Variants in UGT1A9 observed in about 807,000 individuals in gnomAD.
UGT1A9 encodes the protein UDP-glucuronosyltransferase 1A9.
Under a neutral mutation model 45.0 loss-of-function variants are expected in UGT1A9, and 35 were observed. The ratio of observed to expected loss-of-function variants is 0.78; its 90% CI spans 0.59 to 1.03. The LOEUF (loss-of-function observed/expected upper bound fraction) is 1.03. UGT1A9 is among the 50% of genes least tolerant of loss of function. The pLI is 0.00. For synonymous variants in UGT1A9, 278 were observed against 250.6 expected, an observed-to-expected ratio of 1.11 and a Z score of -1.03; for missense variants, 687 against 666.6, an observed-to-expected ratio of 1.03 and a Z score of -0.34.
rs185333824 is a variant in UGT1A9, at chr2:233,753,128, G to A, written c.856-13906G>A. 3.3e-4 allele frequency: 50 copies of A among 152,262 alleles called. No individual in the cohort carries two copies. The East Asian group carries it at 8.9e-3, about 27-fold the overall frequency. 9.4% of individuals were successfully genotyped at this position (152,262 alleles called of 1,614,324 possible). A position where few individuals can be genotyped will look rare whatever the true frequency, so the allele number is the denominator to read the frequency against. On this transcript the variant is annotated intron_variant, in intron 1 of 4. Transcript: ENST00000354728. ...AAACCCATCCCCAGCAAACTACTCA[G>A]TGAGTATCTTCACACATGTAAGTTC...
At chr2:233,767,966 A>G in intron 3 of UGT1A9, 30 bp downstream of exon 3, 1 of 1,614,232 alleles carries the variant, frequency 6.2e-7, no homozygotes, top group South Asian at 1.1e-5. Flanking sequence ...TGTATAGGTC[A>G]AACCAGGGTC....
At chr2:233,734,546 C>A (rs975748353) in intron 1 of UGT1A9, among the ~76,000 whole-genome samples, 4 of 151,914 alleles carry the variant, frequency 2.6e-5, no homozygotes, top group Non-Finnish European at 5.9e-5. Context: ...TATTTCTTCC[C>A]TTCTGCTAGC....
At chr2:233,754,325 C>T (rs537557157) in intron 1 of UGT1A9, 54 of 246,030 alleles carry the variant, frequency 2.2e-4, no homozygotes, top group African/African-American at 1.1e-3. Flanking sequence ...CTGCCTCAGG[C>T]TTAAGTTTAA....
Position 233,713,325 on chromosome 2 carries a change from A to G in UGT1A9, c.855+40536A>G, listed in dbSNP as rs1186303937. The G allele has an allele frequency of 4.3e-6, 7 of 1,614,262 alleles. No individual in the cohort carries two copies. The Middle Eastern group carries it at 6.6e-4, about 152-fold the overall frequency. On this transcript the variant is annotated intron_variant, in intron 1 of 4. Coordinates refer to ENST00000354728, the MANE Select transcript of UGT1A9 (RefSeq NM_021027.3). ...AGAACATCTTCTGATGAAATTTTCT[A>G]GAAGAATGGCAATTATGAACAATAT...
rs1267717516 is a variant in UGT1A9, at chr2:233,755,162, G to A, written c.856-11872G>A. 1.3e-4 allele frequency: 162 copies of A among 1,279,924 alleles called. 2 individuals carry two copies. The highest frequency in any genetic ancestry group is 5.7e-5 in the Admixed American group (3 of 52,216). The allele number at this position is 1,279,924 out of a possible 1,614,324, so 79.3% of individuals were successfully genotyped here. A position where few individuals can be genotyped will look rare whatever the true frequency, so the allele number is the denominator to read the frequency against. Reference sequence around the variant, plus strand: ...TTCTCACCGCTTCCTCCCTGTCCTCGGGGTTTTTGTCGGGGTGCCACTTGA... The same window carrying A: ...TTCTCACCGCTTCCTCCCTGTCCTCAGGGTTTTTGTCGGGGTGCCACTTGA... On this transcript the variant is annotated intron_variant, in intron 1 of 4. Coordinates refer to ENST00000354728, the MANE Select transcript of UGT1A9 (RefSeq NM_021027.3).
At chr2:233,717,277 G>A (rs2076561985) in intron 1 of UGT1A9, among the ~76,000 whole-genome samples, 1 of 152,160 alleles carries the variant, frequency 6.6e-6, no homozygotes, top group African/African-American at 2.4e-5. Context: ...TTGAGAAGCT[G>A]AGATGTTGCA....
intron 1 of UGT1A9, chr2:233,743,219 T>A (rs1133491): frequency 5.8e-5 from 24 of 411,238 alleles, no homozygotes; most frequent in Middle Eastern, 7.1e-4. Flanking sequence ...TAACTGCTCT[T>A]TGCTATTTAT....
chr2:233,691,597 G>A (rs913844401), intron 1 of UGT1A9: 3 of 985,688 alleles, frequency 3.0e-6, no homozygotes, highest in Non-Finnish European at 3.6e-6. Context: ...TTCTACACAG[G>A]TCTTGCTCTG....
chr2:233,705,942 A>T (rs1310148343), intron 1 of UGT1A9, among the ~76,000 whole-genome samples: 1 of 152,156 alleles, frequency 6.6e-6, no homozygotes, highest in African/African-American at 2.4e-5. Context: ...ACAAAAAATT[A>T]GCTGGGTGTG....
At chr2:233,760,125 C>T in intron 1 of UGT1A9, 1 of 1,316,530 alleles carries the variant, frequency 7.6e-7, no homozygotes, top group Admixed American at 2.6e-5. Context: ...TAAAGCTCCA[C>T]CTTCTTTATC....
intron 1 of UGT1A9, among the ~76,000 whole-genome samples, chr2:233,705,526 C>T (rs1004849017): frequency 6.6e-6 from 1 of 152,084 alleles, no homozygotes; most frequent in Admixed American, 6.6e-5. Context: ...GGGAGATTAC[C>T]TTCAGCTGTG....
intron 1 of UGT1A9, among the ~76,000 whole-genome samples, chr2:233,692,589 C>T (rs2075104248): frequency 1.3e-5 from 2 of 152,096 alleles, no homozygotes; most frequent in Non-Finnish European, 1.5e-5. Context: ...AGAATAGGTC[C>T]GTGTGCAAGA....
At chr2:233,687,869 C>G (rs17863781) in intron 1 of UGT1A9, among the ~76,000 whole-genome samples, 2,937 of 152,304 alleles carry the variant, frequency 0.019, 59 homozygotes, top group Non-Finnish European at 0.028. Flanking sequence ...GACTATTCCA[C>G]TCCACTCCAG....
chr2:233,725,249 GGAGGCAGAGGCAGAGGAGGCA>G (rs1559370474), intron 1 of UGT1A9, among the ~76,000 whole-genome samples: 14 of 48,542 alleles, frequency 2.9e-4, no homozygotes, highest in Middle Eastern at 0.01. Context: ...CAGAGGCAGA[GGAGGCAGAGGCAGAGGAGGCA>G]GAGGCAGAGG....
chr2:233,724,221 C>T lies in UGT1A9; in HGVS notation c.856-42813C>T, dbSNP rs1235713996. ...GGCCGGGCTGAGGGGCTCCTCACTT[C>T]CCAGTAGGGGCGGCCGGGCAGAGGC... On this transcript the variant is annotated intron_variant, in intron 1 of 4. Coordinates refer to ENST00000354728, the MANE Select transcript of UGT1A9 (RefSeq NM_021027.3). Among the ~76,000 whole-genome samples the T allele has an allele frequency of 3.1e-5, 4 of 130,194 alleles. No individual in the cohort carries two copies. In the East Asian group the frequency reaches 9.2e-4, roughly 30 times the overall value. 85.4% of individuals were successfully genotyped at this position (130,194 alleles called of 152,430 possible). A position where few individuals can be genotyped will look rare whatever the true frequency, so the allele number is the denominator to read the frequency against.
intron 1 of UGT1A9, chr2:233,682,037 G>A: frequency 6.2e-7 from 1 of 1,614,110 alleles, no homozygotes; most frequent in Non-Finnish European, 8.5e-7. Flanking sequence ...AGTGCCCATG[G>A]ATGGGAGCCA....
intron 1 of UGT1A9, among the ~76,000 whole-genome samples, chr2:233,744,592 A>ATC (rs938838610): frequency 2.6e-5 from 4 of 151,912 alleles, no homozygotes; most frequent in East Asian, 1.9e-4. Context: ...CAGTTTTTGC[A>ATC]TCTCTCTTTA....
intron 1 of UGT1A9, among the ~76,000 whole-genome samples, chr2:233,724,520 T>C (rs200973045): frequency 0.41 from 41,671 of 101,172 alleles, 10,045 homozygotes; most frequent in African/African-American, 0.66. Flanking sequence ...ACCTCCCAGA[T>C]GGGGTCTCGC....
rs377063392 is a variant in UGT1A9, at chr2:233,724,823, G to A, written c.856-42211G>A. Among the ~76,000 whole-genome samples, 2 of 135,304 alleles carry A rather than the reference G, an allele frequency of 1.5e-5. 1 individual carries two copies. Among genetic ancestry groups the A allele is most frequent in the Non-Finnish European group, 3.1e-5 (2 of 64,184 alleles). 88.8% of individuals were successfully genotyped at this position (135,304 alleles called of 152,430 possible). A position where few individuals can be genotyped will look rare whatever the true frequency, so the allele number is the denominator to read the frequency against. On this transcript the variant is annotated intron_variant, in intron 1 of 4. Transcript: ENST00000354728. ...GCGGCCGGGCAGAGGCTGCAATCTC[G>A]GCACTTTGGGAGGCCAAGGCAGGCG...
Sources: gnomAD v4.1 joint callset for allele counts (sites outside exome capture counted in the v4.1 genomes callset) on GRCh38, gnomAD v4.1.1 for gene constraint, MANE v1.5 for transcripts, NCBI Gene and HGNC (gene_info 2026-07-23, HGNC 2026-07-21) for gene names.